Variants in GRM7 observed in about 807,000 individuals in gnomAD.
The protein encoded by GRM7 is metabotropic glutamate receptor 7.
In GRM7, 35 loss-of-function variants were observed where a neutral mutation model predicts 84.5. The observed-to-expected ratio is 0.41, with a 90% CI of 0.32 to 0.55. GRM7 has a LOEUF of 0.55. Ranked by LOEUF, GRM7 falls within the 20% of genes least tolerant of loss-of-function variation. The pLI is 0.19. For synonymous variants in GRM7, 487 were observed against 455.1 expected (o/e 1.07, Z -0.89); for missense variants, 1,003 against 1,194.6 (o/e 0.84, Z 2.36).
intron 9 of GRM7, among the ~76,000 whole-genome samples, chr3:7,730,924 A>G (rs1702307530): frequency 6.6e-6 from 1 of 152,224 alleles, no homozygotes; most frequent in African/African-American, 2.4e-5. Flanking sequence ...TCCAAAGTAA[A>G]ACATATACAC....
At chr3:7,279,801 C>G (rs1699194678) in intron 2 of GRM7, among the ~76,000 whole-genome samples, 1 of 152,090 alleles carries the variant, frequency 6.6e-6, no homozygotes, top group Non-Finnish European at 1.5e-5. Context: ...GTGTTTATGT[C>G]TGTGTGTGTG....
chr3:7,179,936 A>G (rs1036089277), intron 2 of GRM7, among the ~76,000 whole-genome samples: 1 of 152,194 alleles, frequency 6.6e-6, no homozygotes, highest in Non-Finnish European at 1.5e-5. Context: ...CCAGAGATTT[A>G]CTTCCATTAG....
chr3:7,469,022 T>G (rs1012809803), intron 7 of GRM7, among the ~76,000 whole-genome samples: 1 of 152,238 alleles, frequency 6.6e-6, no homozygotes, highest in African/African-American at 2.4e-5. Context: ...TTAGCTGGGT[T>G]ATTTTTCTGC....
chr3:6,893,772 T>G (rs1375242723), intron 1 of GRM7: 2 of 152,200 alleles, frequency 1.3e-5, no homozygotes, highest in African/African-American at 2.4e-5. Flanking sequence ...TATTCTGGTA[T>G]TCTAACAATA....
chr3:7,563,744 G>T (rs1282105947), intron 7 of GRM7, among the ~76,000 whole-genome samples: 1 of 152,180 alleles, frequency 6.6e-6, no homozygotes, highest in Non-Finnish European at 1.5e-5. Context: ...CAAATGAAAA[G>T]TCTGCACTGT....
At chr3:7,607,974 A>C in intron 8 of GRM7, 1 of 265,482 alleles carries the variant, frequency 3.8e-6, no homozygotes, top group Non-Finnish European at 8.1e-6. Context: ...ATAAGTGAGA[A>C]CACACCATAT....
intron 2 of GRM7, among the ~76,000 whole-genome samples, chr3:7,276,796 T>C (rs1188773390): frequency 5.7e-3 from 17 of 2,984 alleles, no homozygotes; most frequent in East Asian, 0.01. Context: ...CCTTCCTTCC[T>C]TCCTTCCTTT....
At chr3:7,263,674 AG>A in intron 2 of GRM7, among the ~76,000 whole-genome samples, 1 of 152,160 alleles carries the variant, frequency 6.6e-6, no homozygotes, top group Non-Finnish European at 1.5e-5. Flanking sequence ...GTGGCTACTC[AG>A]AGCAGAGTTG....
chr3:7,125,466 A>G (rs1209593243), intron 1 of GRM7, among the ~76,000 whole-genome samples: 1 of 152,214 alleles, frequency 6.6e-6, no homozygotes, highest in Non-Finnish European at 1.5e-5. Context: ...TGGGGAAAAA[A>G]TAATCTGAGA....
At chr3:7,468,341 T>C (rs1239665673) in intron 7 of GRM7, among the ~76,000 whole-genome samples, 1 of 152,234 alleles carries the variant, frequency 6.6e-6, no homozygotes, top group Non-Finnish European at 1.5e-5. Context: ...TTTATAGTTT[T>C]ATTGTTAGTA....
At position 7,441,072 on chromosome 3, in the gene GRM7, A is replaced by G. The variant is rs144622409; in HGVS notation, c.1175-11535A>G. Among the ~76,000 whole-genome samples, 766 of 152,260 alleles carry G rather than the reference A, an allele frequency of 5.0e-3. 5 individuals are homozygous for G. The highest frequency in any genetic ancestry group is 0.018 in the African/African-American group (749 of 41,554). ...TTTAAGCTCTTTGAGAAATGACCAA[A>G]CTGCTTTCCACAGTGGCTGAACTAG... is the stretch of plus-strand genomic sequence containing the variant. On this transcript the variant is annotated intron_variant, in intron 5 of 9. Coordinates refer to ENST00000357716, the MANE Select transcript of GRM7 (RefSeq NM_000844.4).
chr3:7,697,537 C>T (rs1559494145), intron 9 of GRM7, among the ~76,000 whole-genome samples: 1 of 152,112 alleles, frequency 6.6e-6, no homozygotes, highest in African/African-American at 2.4e-5. Context: ...AAGGAGAGAA[C>T]AACAAAAGTT....
intron 8 of GRM7, among the ~76,000 whole-genome samples, chr3:7,650,517 T>C (rs943818072): frequency 2.1e-4 from 32 of 152,138 alleles, no homozygotes; most frequent in Non-Finnish European, 3.8e-4. Context: ...AAAAAAAGTG[T>C]TGTTTTTGTT....
intron 7 of GRM7, among the ~76,000 whole-genome samples, chr3:7,567,854 G>A (rs1694394105): frequency 6.7e-6 from 1 of 148,458 alleles, no homozygotes; most frequent in African/African-American, 2.5e-5. Context: ...TTCAAAATGA[G>A]TTGAGGGAGG....
intron 1 of GRM7, among the ~76,000 whole-genome samples, chr3:6,951,812 C>T (rs893569834): frequency 6.6e-6 from 1 of 152,034 alleles, no homozygotes; most frequent in Non-Finnish European, 1.5e-5. Flanking sequence ...TCCAGTGTAC[C>T]CTTACTCACT....
intron 7 of GRM7, among the ~76,000 whole-genome samples, chr3:7,525,220 C>T (rs1700747534): frequency 6.6e-6 from 1 of 151,868 alleles, no homozygotes; most frequent in Non-Finnish European, 1.5e-5. Flanking sequence ...ACATATGTAA[C>T]TAACCTGGAC....
rs574637883 is a variant in GRM7, at chr3:7,702,758, G to A, written c.2698+22463G>A. Among the ~76,000 whole-genome samples the A allele has an allele frequency of 9.7e-4, 147 of 152,194 alleles. 2 individuals carry two copies. In the South Asian group the frequency reaches 0.027, roughly 28 times the overall value. Reference sequence around the variant, plus strand: ...AGGCTACAGATTTTCATCTAATTGCGAACAGTAAGTCAGCTCTTGAATAAT... The same window carrying A: ...AGGCTACAGATTTTCATCTAATTGCAAACAGTAAGTCAGCTCTTGAATAAT... On this transcript the variant is annotated intron_variant, in intron 9 of 9. Coordinates refer to ENST00000357716, the MANE Select transcript of GRM7 (RefSeq NM_000844.4).
At chr3:7,168,647 C>T (rs927701113) in intron 2 of GRM7, among the ~76,000 whole-genome samples, 18 of 152,226 alleles carry the variant, frequency 1.2e-4, no homozygotes, top group South Asian at 6.2e-4. Context: ...CAAGCAAAGA[C>T]GACCCCATTC....
At chr3:7,142,067 TATA>T (rs1170907241) in intron 1 of GRM7, among the ~76,000 whole-genome samples, 1 of 152,030 alleles carries the variant, frequency 6.6e-6, no homozygotes, top group Non-Finnish European at 1.5e-5. Flanking sequence ...TGTTTTGACT[TATA>T]ATGACAGTGA....
Sources: gnomAD v4.1 joint callset for allele counts (sites outside exome capture counted in the v4.1 genomes callset) on GRCh38, gnomAD v4.1.1 for gene constraint, MANE v1.5 for transcripts, NCBI Gene and HGNC (gene_info 2026-07-23, HGNC 2026-07-21) for gene names.